MBOAT1: variants seen among roughly 807,000 people sequenced by gnomAD.
The protein encoded by MBOAT1 is membrane-bound glycerophospholipid O-acyltransferase 1.
A neutral mutation model predicts 64.4 loss-of-function variants in MBOAT1; 67 were observed. The observed-to-expected ratio is 1.04, with a 90% confidence interval of 0.85 to 1.27. MBOAT1 has a LOEUF of 1.27. Ranked by LOEUF, MBOAT1 falls within the 50% of genes most tolerant of loss-of-function variation. The pLI, the probability that MBOAT1 is intolerant of heterozygous loss-of-function variation, is 0.00. For synonymous variants in MBOAT1, 229 were observed against 218.9 expected (o/e 1.05, Z -0.41); for missense variants, 563 against 604.6 (o/e 0.93, Z 0.72).
At chr6:20,152,503 T>A (rs1761545213) in intron 2 of MBOAT1, 121 bp downstream of exon 2, 1 of 1,008,212 alleles carries the variant, frequency 9.9e-7, no homozygotes, top group African/African-American at 1.6e-5. Context: ...GTATTTACAA[T>A]ATAAAATTTT....
At chr6:20,187,022 T>C (rs1762674316) in intron 1 of MBOAT1, among the ~76,000 whole-genome samples, 1 of 152,206 alleles carries the variant, frequency 6.6e-6, no homozygotes, top group Non-Finnish European at 1.5e-5. Flanking sequence ...ACCTTTTATG[T>C]TTATTCCTCT....
chr6:20,162,716 A>T (rs1336343824), intron 1 of MBOAT1, among the ~76,000 whole-genome samples: 1 of 152,232 alleles, frequency 6.6e-6, no homozygotes, highest in African/African-American at 2.4e-5. Context: ...CAGCTCCATT[A>T]GTCAAACTGA....
At chr6:20,113,135 G>T (rs554763143) in intron 10 of MBOAT1, 127 bp from the exon 11 acceptor site, 8 of 1,150,196 alleles carry the variant, frequency 7.0e-6, no homozygotes, top group African/African-American at 1.6e-5. Context: ...CTCCCTAACC[G>T]TCTTCGGGGA....
intron 1 of MBOAT1, among the ~76,000 whole-genome samples, chr6:20,190,826 G>A (rs972650483): frequency 4.6e-5 from 7 of 152,126 alleles, no homozygotes; most frequent in African/African-American, 1.7e-4. Context: ...TTCTGTCAAT[G>A]GCAATCATCA....
At chr6:20,141,450 C>CTCAGGCTCAAGA (rs1276295022) in intron 4 of MBOAT1, among the ~76,000 whole-genome samples, 1 of 147,894 alleles carries the variant, frequency 6.8e-6, no homozygotes, top group Non-Finnish European at 1.5e-5. Flanking sequence ...CAGCCCCAGT[C>CTCAGGCTCAAGA]TCAGGCTCAA....
chr6:20,164,186 CACACACACACACACACACAA>C (rs1330305359), intron 1 of MBOAT1, among the ~76,000 whole-genome samples: 2 of 150,964 alleles, frequency 1.3e-5, no homozygotes, highest in Non-Finnish European at 3.0e-5. Flanking sequence ...CACACACACA[CACACACACACACACACACAA>C]ACACACCCCA....
chr6:20,135,523 A>G (rs1337118903), intron 4 of MBOAT1, among the ~76,000 whole-genome samples: 3 of 152,186 alleles, frequency 2.0e-5, no homozygotes, highest in African/African-American at 7.2e-5. Flanking sequence ...CAATATTTCA[A>G]TAAAACCTAC....
At chr6:20,150,323 C>T (rs1761453409) in intron 3 of MBOAT1, among the ~76,000 whole-genome samples, 1 of 152,012 alleles carries the variant, frequency 6.6e-6, no homozygotes, top group African/African-American at 2.4e-5. Flanking sequence ...AGAAAACGAT[C>T]ACCAGATTCA....
chr6:20,173,200 T>C (rs79436317), intron 1 of MBOAT1, among the ~76,000 whole-genome samples: 3,861 of 152,306 alleles, frequency 0.025, 70 homozygotes, highest in South Asian at 0.04. Flanking sequence ...TTTGTTTTAC[T>C]AAATTACCCA....
At position 20,126,852 on chromosome 6, in the gene MBOAT1, A is replaced by G. The variant is rs570452866; in HGVS notation, c.531-152T>C. The G allele has an allele frequency of 1.5e-4, 99 of 677,294 alleles. 1 individual carries two copies. The East Asian group carries it at 1.8e-3, about 12-fold the overall frequency. The allele number at this position is 677,294 out of a possible 1,614,324, so 42.0% of individuals were successfully genotyped here. Reference sequence around the variant, plus strand: ...TTTCTACAAAGTCAGCCGAGGAGAAATCTTGTGGAAAGGAAAGGTTAAAGA... The same window carrying G: ...TTTCTACAAAGTCAGCCGAGGAGAAGTCTTGTGGAAAGGAAAGGTTAAAGA... On this transcript the variant is annotated intron_variant, in intron 6 of 12. Transcript: ENST00000324607.
intron 8 of MBOAT1, among the ~76,000 whole-genome samples, chr6:20,122,699 G>C (rs1760528269): frequency 6.6e-6 from 1 of 151,988 alleles, no homozygotes; most frequent in Non-Finnish European, 1.5e-5. Context: ...TTTCTGTTTG[G>C]GTGATGAAAA....
chr6:20,104,243 A>G (rs570616919), intron 12 of MBOAT1, among the ~76,000 whole-genome samples: 1 of 152,190 alleles, frequency 6.6e-6, no homozygotes, highest in Non-Finnish European at 1.5e-5. Flanking sequence ...CTAATGATGC[A>G]TTTCTCAGAA....
chr6:20,160,988 C>A (rs556946319), intron 1 of MBOAT1, among the ~76,000 whole-genome samples: 1 of 152,182 alleles, frequency 6.6e-6, no homozygotes, highest in Non-Finnish European at 1.5e-5. Context: ...GGGTTCCCAA[C>A]CCCCCGGGCC....
chr6:20,123,681 T>A (rs1394974532), intron 8 of MBOAT1, among the ~76,000 whole-genome samples: 1 of 150,796 alleles, frequency 6.6e-6, no homozygotes, highest in Non-Finnish European at 1.5e-5. Flanking sequence ...CTTAAAGAAG[T>A]GTAACCTAAA....
intron 3 of MBOAT1, among the ~76,000 whole-genome samples, chr6:20,144,742 C>A (rs571138427): frequency 6.6e-6 from 1 of 152,338 alleles, no homozygotes; most frequent in East Asian, 1.9e-4. Context: ...CACCATACTG[C>A]TGACCACTTC....
At chr6:20,109,773 T>G in intron 11 of MBOAT1, 24 bp from the exon 12 acceptor site, 1 of 1,603,134 alleles carries the variant, frequency 6.2e-7, no homozygotes, top group Non-Finnish European at 8.5e-7. Context: ...CAGGCAACAG[T>G]AGTGAGGAGG....
intron 1 of MBOAT1, among the ~76,000 whole-genome samples, chr6:20,206,375 T>C (rs1310618895): frequency 6.6e-6 from 1 of 152,202 alleles, no homozygotes; most frequent in Non-Finnish European, 1.5e-5. Context: ...GGTTTCGCCA[T>C]GTTGGCCAGG....
chr6:20,181,609 T>A (rs1462881286), intron 1 of MBOAT1, among the ~76,000 whole-genome samples: 2 of 152,238 alleles, frequency 1.3e-5, no homozygotes, highest in Non-Finnish European at 2.9e-5. Flanking sequence ...GCAGAAGCTT[T>A]GCTATCCACC....
chr6:20,123,446 A>G (rs531122497), intron 8 of MBOAT1, among the ~76,000 whole-genome samples: 1 of 152,318 alleles, frequency 6.6e-6, no homozygotes, highest in East Asian at 1.9e-4. Flanking sequence ...CCCAGTCTCT[A>G]AGTATACAGA....
Sources: allele counts gnomAD v4.1 joint callset (sites outside exome capture counted in the v4.1 genomes callset), GRCh38; gene constraint gnomAD v4.1.1; transcripts MANE v1.5; gene names NCBI Gene and HGNC (gene_info 2026-07-23, HGNC 2026-07-21).